HECTD2: variants seen among roughly 807,000 people sequenced by gnomAD.
HECTD2 encodes HECT domain E3 ubiquitin protein ligase 2.
Under a neutral mutation model 103.2 loss-of-function variants are expected in HECTD2, and 35 were observed. The observed-to-expected ratio is 0.34, with a 90% CI of 0.26 to 0.45. HECTD2 has a LOEUF of 0.45. Among genes scored for constraint, HECTD2 ranks in the 20% least tolerant of loss-of-function variants. The pLI, the probability that HECTD2 is intolerant of heterozygous loss-of-function variation, is 1.00. For missense variants in HECTD2, 596 were observed against 937.4 expected (o/e 0.64, Z 4.76); for synonymous variants, 281 against 329.9 (o/e 0.85, Z 1.61).
chr10:91,514,158 G>A lies in HECTD2; in HGVS notation c.*1774G>A, dbSNP rs1390868652. ...AACATGTATAAGAAACCAGATTTAA[G>A]TGTTTTAAATAAAATGTAAACAGTT... On this transcript the variant is annotated 3_prime_UTR_variant, in exon 21 of 21. Coordinates refer to ENST00000298068, the MANE Select transcript of HECTD2 (RefSeq NM_182765.6). The A allele has an allele frequency of 1.3e-5, 2 of 152,580 alleles. No individual in the cohort carries two copies. The highest frequency in any genetic ancestry group is 4.8e-5 in the African/African-American group (2 of 41,430). The allele number at this position is 152,580 out of a possible 1,614,324, so 9.5% of individuals were successfully genotyped here. A position where few individuals can be genotyped will look rare whatever the true frequency, so the allele number is the denominator to read the frequency against.
intron 20 of HECTD2, among the ~76,000 whole-genome samples, chr10:91,503,592 C>G (rs188319168): frequency 6.6e-6 from 1 of 152,134 alleles, no homozygotes; most frequent in African/African-American, 2.4e-5. Flanking sequence ...CGGTGCACCA[C>G]GAGATTATAT....
At chr10:91,459,443 T>C (rs1019917193) in intron 2 of HECTD2, among the ~76,000 whole-genome samples, 1 of 152,072 alleles carries the variant, frequency 6.6e-6, no homozygotes, top group African/African-American at 2.4e-5. Context: ...AGTGGTTGAA[T>C]AGTTAACCAT....
chr10:91,449,745 A>G (rs1272416354), intron 2 of HECTD2, among the ~76,000 whole-genome samples: 1 of 147,718 alleles, frequency 6.8e-6, no homozygotes, highest in Non-Finnish European at 1.5e-5. Context: ...ATACACAAAT[A>G]ATAGCCAAAT....
At chr10:91,455,523 G>A (rs1251466229) in intron 2 of HECTD2, among the ~76,000 whole-genome samples, 8 of 152,226 alleles carry the variant, frequency 5.3e-5, no homozygotes, top group African/African-American at 1.9e-4. Flanking sequence ...TCTGTAGGTT[G>A]CCTGTTCACT....
intron 1 of HECTD2, among the ~76,000 whole-genome samples, chr10:91,420,511 C>G (rs921452525): frequency 6.6e-6 from 1 of 151,228 alleles, no homozygotes; most frequent in South Asian, 2.1e-4. Context: ...ATCAGTAGAA[C>G]CAGGAGGCAG....
At chr10:91,509,818 T>A (rs756633011) in intron 20 of HECTD2, among the ~76,000 whole-genome samples, 1 of 152,108 alleles carries the variant, frequency 6.6e-6, no homozygotes, top group African/African-American at 2.4e-5. Context: ...AGAAACTGCC[T>A]ATCAGGTACT....
At chr10:91,443,476 C>G (rs1844452496) in intron 2 of HECTD2, among the ~76,000 whole-genome samples, 1 of 151,554 alleles carries the variant, frequency 6.6e-6, no homozygotes, top group Non-Finnish European at 1.5e-5. Flanking sequence ...GGGGCACCTG[C>G]CAGATGCCAG....
At chr10:91,499,363 T>C (rs1425026283) in intron 18 of HECTD2, among the ~76,000 whole-genome samples, 1 of 152,158 alleles carries the variant, frequency 6.6e-6, no homozygotes, top group Non-Finnish European at 1.5e-5. Flanking sequence ...TTCTCTCCCC[T>C]TCTACTAAGT....
chr10:91,502,040 G>A (rs1846922487), intron 20 of HECTD2, among the ~76,000 whole-genome samples: 1 of 151,872 alleles, frequency 6.6e-6, no homozygotes, highest in East Asian at 1.9e-4. Flanking sequence ...CTTTTCCACT[G>A]CCTCTACCTT....
intron 2 of HECTD2, among the ~76,000 whole-genome samples, chr10:91,435,406 AGAG>A (rs2133085036): frequency 6.6e-6 from 1 of 152,128 alleles, no homozygotes; most frequent in East Asian, 1.9e-4. Flanking sequence ...CAGCAGAGAA[AGAG>A]GAGAGCAGGG....
chr10:91,453,769 A>G (rs1844938946), intron 2 of HECTD2, among the ~76,000 whole-genome samples: 1 of 152,096 alleles, frequency 6.6e-6, no homozygotes, highest in Admixed American at 6.6e-5. Flanking sequence ...ACATGACCCA[A>G]CTGTTTTCTA....
chr10:91,418,903 A>G (rs1259822586), intron 1 of HECTD2, among the ~76,000 whole-genome samples: 1 of 152,198 alleles, frequency 6.6e-6, no homozygotes, highest in Non-Finnish European at 1.5e-5. Context: ...ACCTTTGCTC[A>G]GTATCTCAGG....
At chr10:91,467,071 G>A (rs1308855739) in intron 5 of HECTD2, among the ~76,000 whole-genome samples, 1 of 152,036 alleles carries the variant, frequency 6.6e-6, no homozygotes, top group Non-Finnish European at 1.5e-5. Flanking sequence ...CAGAAGCTGA[G>A]CTGAAGGGAG....
intron 1 of HECTD2, among the ~76,000 whole-genome samples, chr10:91,417,710 G>A (rs909572018): frequency 4.6e-5 from 7 of 151,830 alleles, no homozygotes; most frequent in Non-Finnish European, 1.0e-4. Flanking sequence ...ATTTTTTATG[G>A]CTGCATAGTA....
chr10:91,487,886 T>A lies in HECTD2; in HGVS notation c.1191+108T>A. ...ATTGTTCTAGCATAATCAGGAATGT[T>A]AAAAGCAAAATTCGTGTTATACTCA... On this transcript the variant is annotated intron_variant, in intron 11 of 20. Transcript: ENST00000298068. This position sits in a 1 kb window ranked among gnomAD's most constrained non-coding sequence, Gnocchi z 4.1. The A allele has an allele frequency of 1.4e-6, 1 of 716,054 alleles. No homozygotes were observed. The highest frequency in any genetic ancestry group is 2.2e-6 in the Non-Finnish European group (1 of 454,856). 44.4% of individuals were successfully genotyped at this position (716,054 alleles called of 1,614,324 possible).
At chr10:91,444,015 A>C (rs1422701563) in intron 2 of HECTD2, among the ~76,000 whole-genome samples, 1 of 152,170 alleles carries the variant, frequency 6.6e-6, no homozygotes, top group East Asian at 1.9e-4. Flanking sequence ...AGAAAAGGGC[A>C]TCTCAGCAGC....
At chr10:91,449,513 C>A (rs557618302) in intron 2 of HECTD2, among the ~76,000 whole-genome samples, 2 of 152,074 alleles carry the variant, frequency 1.3e-5, no homozygotes, top group African/African-American at 4.8e-5. Context: ...CTTACTACTC[C>A]TATAAACATA....
chr10:91,472,640 G>T (rs571305619), intron 5 of HECTD2, among the ~76,000 whole-genome samples: 1 of 152,246 alleles, frequency 6.6e-6, no homozygotes, highest in East Asian at 1.9e-4. Flanking sequence ...AGTGGGCAAA[G>T]AACATGAGCA....
At chr10:91,439,192 G>C (rs954803248) in intron 2 of HECTD2, among the ~76,000 whole-genome samples, 4 of 152,070 alleles carry the variant, frequency 2.6e-5, no homozygotes, top group African/African-American at 7.2e-5. Flanking sequence ...TTTTCTTCTA[G>C]GGTTTTTATG....
Sources: gnomAD v4.1 joint callset for allele counts (sites outside exome capture counted in the v4.1 genomes callset) on GRCh38, gnomAD v4.1.1 for gene constraint, Gnocchi (gnomAD v3.1) non-coding constraint, MANE v1.5 for transcripts, NCBI Gene and HGNC (gene_info 2026-07-23, HGNC 2026-07-21) for gene names.